INTS11: variants seen among roughly 807,000 people sequenced by gnomAD.
INTS11 encodes the protein CPSF3-like protein.
A neutral mutation model predicts 78.6 loss-of-function variants in INTS11; 77 were observed. The ratio of observed to expected loss-of-function variants is 0.98; its 90% CI spans 0.81 to 1.18. The LOEUF is 1.18. Ranked by LOEUF, INTS11 falls within the 50% of genes most tolerant of loss-of-function variation. The pLI is 0.00. For missense variants in INTS11, 875 were observed against 825.9 expected (o/e 1.06, Z -0.73); for synonymous variants, 441 against 326.9 (o/e 1.35, Z -3.77).
At position 1,313,008 on chromosome 1, in the gene INTS11, C is replaced by T. The variant is rs1349465230; in HGVS notation, c.1131+27G>A. 8 of 1,611,488 alleles carry T rather than the reference C, an allele frequency of 5.0e-6. No individual in the cohort carries two copies. The African/African-American group carries it at 6.7e-5, about 13-fold the overall frequency. ...CACCAGGAGGTGCCCCTCGGCCCTG[C>T]CAGCCCAGTGCGGGGTCGAGACTCA... On this transcript the variant is annotated intron_variant, in intron 11 of 16. Coordinates refer to ENST00000435064, the MANE Select transcript of INTS11 (RefSeq NM_017871.6).
chr1:1,315,798 G>C (rs1259590638), intron 4 of INTS11, 180 bp from the exon 5 acceptor site: 1 of 167,334 alleles, frequency 6.0e-6, no homozygotes, highest in Non-Finnish European at 1.1e-5. Flanking sequence ...GGCGGGCAGC[G>C]AGGGAGGCAG....
intron 2 of INTS11, chr1:1,320,780 G>A: frequency 1.4e-6 from 1 of 712,712 alleles, no homozygotes. Context: ...CCAGCCTACA[G>A]GACCCCGGGG....
In INTS11 at chr1:1,314,132, G is replaced by A. The variant is rs1319381801; in HGVS notation, c.767+169C>T. On this transcript the variant is annotated intron_variant, in intron 8 of 16. Transcript: ENST00000435064. This position sits in a 1 kb window ranked among gnomAD's most constrained non-coding sequence, Gnocchi z 4.2. Reference sequence around the variant, plus strand: ...TACAAGAGCCGCACACGGTGGCGCTGACGGGATGTCACAGGCTTCCTGGGG... The same window carrying A: ...TACAAGAGCCGCACACGGTGGCGCTAACGGGATGTCACAGGCTTCCTGGGG... 3.8e-6 allele frequency: 3 copies of A among 787,512 alleles called. No homozygotes were observed. Among genetic ancestry groups the A allele is most frequent in the African/African-American group, 1.7e-5 (1 of 57,690 alleles). 48.8% of individuals were successfully genotyped at this position (787,512 alleles called of 1,614,324 possible). A position where few individuals can be genotyped will look rare whatever the true frequency, so the allele number is the denominator to read the frequency against.
In INTS11 at chr1:1,323,420, C is replaced by T. The variant is rs1242498965; in HGVS notation, c.28+1161G>A. 2.7e-6 allele frequency: 3 copies of T among 1,092,944 alleles called. No homozygotes were observed. The African/African-American group carries it at 4.8e-5, about 17-fold the overall frequency. 67.7% of individuals were successfully genotyped at this position (1,092,944 alleles called of 1,614,324 possible). A position where few individuals can be genotyped will look rare whatever the true frequency, so the allele number is the denominator to read the frequency against. On this transcript the variant is annotated intron_variant, in intron 1 of 16. Transcript: ENST00000435064. ...TCTATACTGTTACGACTTTGACTTT[C>T]TTTTGAGACATGGTTTTGCTGTCAC...
In INTS11 at chr1:1,311,881, C is replaced by A; in HGVS notation, c.1781G>T (p.Gly594Val). ...GSFLTSLLKK[G>V]LPQAPS ...GCCTCAGCTGGGGGCCTGGGGGAGG[C>A]CCTTCTTCAGCAGAGATGTGAGGAA... The change falls in exon 17 of 17, where the codon GGC (glycine) becomes GTC (valine). Residue 594 changes from glycine to valine, a missense_variant. Physicochemically the swap from Gly to Val is moderately radical, Grantham distance 109 (BLOSUM62 -3). Transcript: ENST00000435064. The A allele has an allele frequency of 6.4e-7, 1 of 1,565,360 alleles. No individual in the cohort carries two copies. The highest frequency in any genetic ancestry group is 1.2e-5 in the South Asian group (1 of 84,746).
rs751075078 is a variant in INTS11 at position 1,324,578 on chromosome 1, C to T, written c.28+3G>A. ...CACAGCCCTCCCGGCGGCTCCCACT[C>T]ACCCAAGGGCGTGACTCTGATCTCA... On this transcript the variant is annotated splice_donor_region_variant and intron_variant, in intron 1 of 16. Coordinates refer to ENST00000435064, the MANE Select transcript of INTS11 (RefSeq NM_017871.6). 7 of 1,592,140 alleles carry T rather than the reference C, an allele frequency of 4.4e-6. No individual in the cohort carries two copies. The highest frequency in any genetic ancestry group is 6.0e-6 in the Non-Finnish European group (7 of 1,171,530).
chr1:1,312,209 C>CTG lies in INTS11; in HGVS notation c.1607+16_1607+17insCA. On this transcript the variant is annotated intron_variant, in intron 15 of 16. Transcript: ENST00000435064. Reference sequence around the variant, plus strand: ...AGGGCCCAAGGGAGTGGGGGGGGGGCGGGGCCGGGCGCCCACCTCTTGAGG... The same window carrying CTG: ...AGGGCCCAAGGGAGTGGGGGGGGGGCTGGGGGCCGGGCGCCCACCTCTTGAGG... 1.2e-6 allele frequency: 1 copy of CTG among 863,572 alleles called. No individual in the cohort carries two copies. Among genetic ancestry groups the CTG allele is most frequent in the Non-Finnish European group, 1.6e-6 (1 of 629,198 alleles). 53.5% of individuals were successfully genotyped at this position (863,572 alleles called of 1,614,324 possible). A position where few individuals can be genotyped will look rare whatever the true frequency, so the allele number is the denominator to read the frequency against.
intron 6 of INTS11, 43 bp from the exon 7 acceptor site, chr1:1,315,005 C>A (rs948496002): frequency 1.3e-6 from 2 of 1,597,172 alleles, no homozygotes; most frequent in South Asian, 2.2e-5. Flanking sequence ...TGCACTGTCC[C>A]CACGGTTGCA....
chr1:1,323,979 GGGGACTGA>G (rs1288652365), intron 1 of INTS11, among the ~76,000 whole-genome samples: 1 of 12,950 alleles, frequency 7.7e-5, no homozygotes, highest in Non-Finnish European at 1.7e-4. Flanking sequence ...TGAGGGGCTG[GGGGACTGA>G]GGGGCTGGGG....
intron 1 of INTS11, chr1:1,323,352 T>C (rs748699457): frequency 7.4e-6 from 11 of 1,495,962 alleles, no homozygotes; most frequent in African/African-American, 5.6e-5. Flanking sequence ...CAGCTGTTTC[T>C]GAGACCCTGG....
intron 4 of INTS11, chr1:1,318,618 C>T: frequency 2.6e-6 from 1 of 378,434 alleles, no homozygotes; most frequent in Non-Finnish European, 4.7e-6. Context: ...AGATCACACT[C>T]CAGCCTGGGT....
Position 1,314,719 on chromosome 1 carries a change from AC to A in INTS11, c.702+104del, listed in dbSNP as rs1365491814. 1.9e-5 allele frequency: 25 copies of A among 1,321,254 alleles called. No homozygotes were observed. The highest frequency in any genetic ancestry group is 1.1e-4 in the South Asian group (8 of 71,978). 81.8% of individuals were successfully genotyped at this position (1,321,254 alleles called of 1,614,324 possible). On this transcript the variant is annotated intron_variant, in intron 7 of 16. Coordinates refer to ENST00000435064, the MANE Select transcript of INTS11 (RefSeq NM_017871.6). The surrounding 1 kb of genome is among the most constrained non-coding windows in gnomAD (Gnocchi z 4.2). ...TTCCCTCCCTGCCTGAAAATGCAGT[AC>A]CCCCCACCCTGAGACCCTGACCCAT...
At chr1:1,322,929 G>A in intron 1 of INTS11, 1 of 1,348,924 alleles carries the variant, frequency 7.4e-7, no homozygotes, top group Non-Finnish European at 9.6e-7. Context: ...CCCAGGTACA[G>A]ATTGCGGGTA....
Position 1,312,773 on chromosome 1 carries a change from G to C in INTS11, c.1294+14C>G. 1.2e-6 allele frequency: 2 copies of C among 1,602,114 alleles called. No homozygotes were observed. Among genetic ancestry groups the C allele is most frequent in the Non-Finnish European group, 1.7e-6 (2 of 1,172,468 alleles). ...ACCCGAGGTGGGCCCCACGCCGCCC[G>C]CCCGGCTGCCTACGGAGCTCCTGCT... On this transcript the variant is annotated intron_variant, in intron 12 of 16. Coordinates refer to ENST00000435064, the MANE Select transcript of INTS11 (RefSeq NM_017871.6).
intron 3 of INTS11, 145 bp downstream of exon 3, chr1:1,320,311 C>A: frequency 1.4e-6 from 1 of 731,666 alleles, no homozygotes; most frequent in Non-Finnish European, 2.4e-6. Flanking sequence ...GTAAGGCAGG[C>A]AGGGAGCAGA....
chr1:1,319,228 C>T (rs943700560), intron 4 of INTS11, 68 bp downstream of exon 4: 25 of 1,322,556 alleles, frequency 1.9e-5, no homozygotes, highest in East Asian at 1.8e-4. Context: ...CTGTGTAGAA[C>T]GGGCGGAGGG....
Position 1,314,460 on chromosome 1 carries a change from G to A in INTS11, c.703-95C>T, listed in dbSNP as rs1288718789. 32 of 1,088,848 alleles carry A rather than the reference G, an allele frequency of 2.9e-5. No homozygotes were observed. The highest frequency in any genetic ancestry group is 2.0e-4 in the South Asian group (13 of 66,152). 67.4% of individuals were successfully genotyped at this position (1,088,848 alleles called of 1,614,324 possible). Reference sequence around the variant, plus strand: ...GCACGGCCAGGTGCCCAAGAGCTGCGGCCTCATAGGGACCTTAGCCTCTCA... The same window carrying A: ...GCACGGCCAGGTGCCCAAGAGCTGCAGCCTCATAGGGACCTTAGCCTCTCA... On this transcript the variant is annotated intron_variant, in intron 7 of 16. Transcript: ENST00000435064. The surrounding 1 kb of genome is among the most constrained non-coding windows in gnomAD (Gnocchi z 4.2).
Position 1,313,107 on chromosome 1 carries a change from G to A in INTS11, c.1059C>T (p.Tyr353=). The change falls in exon 11 of 17, where the codon TAC becomes TAT. Residue 353 remains tyrosine, a synonymous_variant. Transcript: ENST00000435064. ...TGTGGCCGACGGTGCCCTGCACGCA[G>A]TAGCCGGGCATGATGACCTGGGGGC... ...NEKNMVIMPG[Y]CVQGTVGHKI... The A allele has an allele frequency of 6.2e-7, 1 of 1,608,104 alleles. No individual in the cohort carries two copies. The highest frequency in any genetic ancestry group is 8.5e-7 in the Non-Finnish European group (1 of 1,179,696).
At chr1:1,322,369 G>C (rs1055318666) in intron 1 of INTS11, among the ~76,000 whole-genome samples, 1 of 150,750 alleles carries the variant, frequency 6.6e-6, no homozygotes, top group Non-Finnish European at 1.5e-5. Context: ...CAGAAGACAG[G>C]AGGAGATATC....
Sources: allele counts gnomAD v4.1 joint callset (sites outside exome capture counted in the v4.1 genomes callset), GRCh38; gene constraint gnomAD v4.1.1; non-coding constraint Gnocchi (gnomAD v3.1); transcripts MANE v1.5; gene names NCBI Gene and HGNC (gene_info 2026-07-23, HGNC 2026-07-21).